Variants in PRELID2 observed in about 807,000 individuals in gnomAD.
PRELID2 encodes PRELI domain-containing protein 2.
Under a neutral mutation model 28.4 loss-of-function variants are expected in PRELID2, and 25 were observed. The observed-to-expected ratio is 0.88, with a 90% CI of 0.64 to 1.23. PRELID2 has a LOEUF of 1.23. Among genes scored for constraint, PRELID2 ranks in the 50% most tolerant of loss-of-function variants. The pLI is 0.00. For missense variants in PRELID2, 201 were observed against 214.4 expected (o/e 0.94, Z 0.39); for synonymous variants, 76 against 71.6 (o/e 1.06, Z -0.31).
At chr5:145,350,966 G>A in the PRELID2 span, among the ~76,000 whole-genome samples, 1 of 152,178 alleles carries the variant, frequency 6.6e-6, no homozygotes, top group Admixed American at 6.5e-5. Flanking sequence ...GTAGCAGGCA[G>A]TTATTGAGCA....
At chr5:145,824,425 C>CGT (rs369429281) in intron 1 of PRELID2, among the ~76,000 whole-genome samples, 38,623 of 96,038 alleles carry the variant, frequency 0.4, 5,810 homozygotes, top group East Asian at 0.53. Context: ...CCACAGCAGG[C>CGT]GTGTGTGTGT....
At chr5:145,500,546 G>GA (rs530477769) in intron 1 of PRELID2, among the ~76,000 whole-genome samples, 16 of 152,042 alleles carry the variant, frequency 1.1e-4, no homozygotes, top group Admixed American at 8.5e-4. Context: ...GCTTTCTCCA[G>GA]AAAAAAAATC....
intron 2 of PRELID2, among the ~76,000 whole-genome samples, chr5:145,820,566 G>A (rs1197856111): frequency 1.3e-5 from 2 of 152,042 alleles, no homozygotes; most frequent in African/African-American, 2.4e-5. Context: ...CAGATTTCTG[G>A]CTGCAAAATT....
At chr5:145,624,381 G>C (rs1753816111) in intron 1 of PRELID2, among the ~76,000 whole-genome samples, 1 of 152,164 alleles carries the variant, frequency 6.6e-6, no homozygotes, top group South Asian at 2.1e-4. Context: ...TTCTAATCAT[G>C]TCTTGGTCTT....
At chr5:145,385,313 T>A in the PRELID2 span, among the ~76,000 whole-genome samples, 1 of 152,318 alleles carries the variant, frequency 6.6e-6, no homozygotes, top group South Asian at 2.1e-4. Context: ...CATGGTTAAG[T>A]GTCTGTGAAA....
intron 4 of PRELID2, among the ~76,000 whole-genome samples, chr5:145,813,429 T>C (rs533390279): frequency 1.3e-5 from 2 of 152,310 alleles, no homozygotes; most frequent in African/African-American, 4.8e-5. Context: ...TATCAACCCC[T>C]AATCAGAAAC....
At chr5:145,420,392 T>C in the PRELID2 span, among the ~76,000 whole-genome samples, 4 of 151,728 alleles carry the variant, frequency 2.6e-5, no homozygotes, top group African/African-American at 9.7e-5. Flanking sequence ...TTTGTTTGTA[T>C]CCTCTTTTAT....
At chr5:145,819,922 A>ATTACATTTTAAAATGAAC (rs1346557434) in intron 3 of PRELID2, 23 bp downstream of exon 3, 1 of 1,412,880 alleles carries the variant, frequency 7.1e-7, no homozygotes, top group African/African-American at 1.4e-5. Context: ...TACAACTGTG[A>ATTACATTTTAAAATGAAC]TTACATTTTA....
At chr5:145,726,931 C>A (rs935071174) in intron 1 of PRELID2, among the ~76,000 whole-genome samples, 3 of 152,110 alleles carry the variant, frequency 2.0e-5, no homozygotes, top group Non-Finnish European at 4.4e-5. Flanking sequence ...GTGATCAGAC[C>A]CAACACCAGG....
the PRELID2 span, among the ~76,000 whole-genome samples, chr5:145,326,973 C>T: frequency 1.1e-4 from 2 of 18,608 alleles, no homozygotes; most frequent in Admixed American, 4.7e-4. Flanking sequence ...TCCCAAAAGA[C>T]ACAGTCACAA....
the PRELID2 span, among the ~76,000 whole-genome samples, chr5:145,386,279 AC>A: frequency 1.6e-3 from 236 of 151,870 alleles, 1 homozygote; most frequent in African/African-American, 5.6e-3. Context: ...GGAGGTAACC[AC>A]CCCCATGATT....
At chr5:145,613,282 T>TTTTA in intron 1 of PRELID2, among the ~76,000 whole-genome samples, 1 of 152,174 alleles carries the variant, frequency 6.6e-6, no homozygotes, top group South Asian at 2.1e-4. Context: ...TATCTTCTTT[T>TTTTA]TTTATTTTTA....
rs147454710 is a variant in PRELID2 at position 145,486,791 on chromosome 5, T to C, written n.71-13476A>G. On this transcript the variant is annotated intron_variant and non_coding_transcript_variant, in intron 1 of 2. Coordinates refer to the PRELID2 transcript ENST00000510259. ...ATGCTGCTATAAAGACACATGCACA[T>C]GTATGTTTATTGTGGCATTATTCAC... Among the ~76,000 whole-genome samples, 1,129 of 152,020 alleles carry C rather than the reference T, an allele frequency of 7.4e-3. 12 individuals carry two copies. The highest frequency in any genetic ancestry group is 0.025 in the African/African-American group (1,025 of 41,446).
chr5:145,429,490 G>T, the PRELID2 span, among the ~76,000 whole-genome samples: 1 of 152,162 alleles, frequency 6.6e-6, no homozygotes, highest in Non-Finnish European at 1.5e-5. Flanking sequence ...TACAGAGTTA[G>T]TGAGATATGG....
the PRELID2 span, among the ~76,000 whole-genome samples, chr5:145,242,731 T>C: frequency 6.6e-6 from 1 of 152,080 alleles, no homozygotes; most frequent in South Asian, 2.1e-4. Context: ...CTGTGGGCAG[T>C]AGGTTAAACC....
At chr5:145,691,302 G>T (rs1285801404) in intron 1 of PRELID2, among the ~76,000 whole-genome samples, 1 of 152,204 alleles carries the variant, frequency 6.6e-6, no homozygotes, top group African/African-American at 2.4e-5. Context: ...CACAGTTGCT[G>T]GTGGTCTTGC....
chr5:145,457,820 TG>T, the PRELID2 span, among the ~76,000 whole-genome samples: 3 of 152,180 alleles, frequency 2.0e-5, no homozygotes, highest in Non-Finnish European at 4.4e-5. Flanking sequence ...AGCTCTCTAT[TG>T]GGGTTACATA....
intron 1 of PRELID2, among the ~76,000 whole-genome samples, chr5:145,664,150 T>A (rs1754544645): frequency 6.6e-6 from 1 of 152,162 alleles, no homozygotes. Context: ...TGGTAAATTG[T>A]TGTTCCTTGG....
chr5:145,335,603 G>T, the PRELID2 span, among the ~76,000 whole-genome samples: 3 of 152,014 alleles, frequency 2.0e-5, no homozygotes, highest in African/African-American at 7.2e-5. Context: ...GACCATTTGA[G>T]TCATACAAGA....
Sources: gnomAD v4.1 joint callset for allele counts (sites outside exome capture counted in the v4.1 genomes callset) on GRCh38, gnomAD v4.1.1 for gene constraint, MANE v1.5 for transcripts, NCBI Gene and HGNC (gene_info 2026-07-23, HGNC 2026-07-21) for gene names.